Variants in EYA4 observed in about 807,000 individuals in gnomAD.
The protein encoded by EYA4 is EYA transcriptional coactivator and phosphatase 4, also known as protein phosphatase EYA4.
A neutral mutation model predicts 87.9 loss-of-function variants in EYA4; 31 were observed. That is an observed-to-expected ratio of 0.35 (90% confidence interval 0.27 to 0.48). The LOEUF is 0.48. Among genes scored for constraint, EYA4 ranks in the 20% least tolerant of loss-of-function variants. The probability of loss-of-function intolerance (pLI) is 0.99; values close to 1 mark genes in which losing one functional copy is unlikely to be tolerated. For synonymous variants in EYA4, 263 were observed against 270.6 expected, an observed-to-expected ratio of 0.97 and a Z score of 0.28; for missense variants, 678 against 761.4, an observed-to-expected ratio of 0.89 and a Z score of 1.29.
At chr6:133,521,165 G>C (rs1352497867) in intron 17 of EYA4, among the ~76,000 whole-genome samples, 1 of 151,830 alleles carries the variant, frequency 6.6e-6, no homozygotes, top group African/African-American at 2.4e-5. Flanking sequence ...ACTACCATCA[G>C]AGTGAACAGG....
At chr6:133,474,265 G>T (rs188052368) in intron 11 of EYA4, among the ~76,000 whole-genome samples, 13 of 152,134 alleles carry the variant, frequency 8.5e-5, no homozygotes, top group Admixed American at 7.2e-4. Context: ...TGTGTAAAAT[G>T]TTGCTTTTGC....
chr6:133,345,486 AC>A (rs1482538171), intron 2 of EYA4, among the ~76,000 whole-genome samples: 1 of 152,172 alleles, frequency 6.6e-6, no homozygotes. Flanking sequence ...TGCATCCTCA[AC>A]CTTTAATTTC....
intron 3 of EYA4, among the ~76,000 whole-genome samples, chr6:133,421,091 A>G (rs1262165775): frequency 6.6e-6 from 1 of 152,206 alleles, no homozygotes; most frequent in Non-Finnish European, 1.5e-5. Context: ...GCTTCCTCTT[A>G]GACTGTGCCT....
intron 2 of EYA4, among the ~76,000 whole-genome samples, chr6:133,357,270 CAAAAA>C (rs754202361): frequency 7.2e-4 from 47 of 65,304 alleles, no homozygotes; most frequent in African/African-American, 2.3e-3. Flanking sequence ...GACTCCGTCT[CAAAAA>C]AAAAAAAAAA....
intron 2 of EYA4, among the ~76,000 whole-genome samples, chr6:133,285,872 T>A (rs938301309): frequency 6.6e-6 from 1 of 152,180 alleles, no homozygotes; most frequent in African/African-American, 2.4e-5. Flanking sequence ...GGAGTTGGCA[T>A]TGACTGAGAT....
At chr6:133,491,298 C>G (rs965780841) in intron 13 of EYA4, among the ~76,000 whole-genome samples, 1 of 151,430 alleles carries the variant, frequency 6.6e-6, no homozygotes, top group East Asian at 1.9e-4. Context: ...TCTTAAAGAA[C>G]TAGAAAAGAT....
At chr6:133,331,933 A>C (rs898316407) in intron 2 of EYA4, among the ~76,000 whole-genome samples, 1 of 152,196 alleles carries the variant, frequency 6.6e-6, no homozygotes, top group African/African-American at 2.4e-5. Context: ...TCTTGTGTGG[A>C]TGGTCTGTCA....
At chr6:133,305,792 T>C (rs1779759279) in intron 2 of EYA4, among the ~76,000 whole-genome samples, 1 of 152,166 alleles carries the variant, frequency 6.6e-6, no homozygotes, top group Non-Finnish European at 1.5e-5. Context: ...ACCACAGAAT[T>C]GGTAACTGGA....
At chr6:133,484,120 A>T (rs1411683807) in intron 13 of EYA4, among the ~76,000 whole-genome samples, 1 of 152,198 alleles carries the variant, frequency 6.6e-6, no homozygotes, top group Non-Finnish European at 1.5e-5. Context: ...CTTTTTGGCT[A>T]GAAACACAGC....
intron 2 of EYA4, among the ~76,000 whole-genome samples, chr6:133,370,402 G>GTTTAGATTAAAATGTTAAAAT (rs1785176414): frequency 6.6e-6 from 1 of 152,154 alleles, no homozygotes; most frequent in Non-Finnish European, 1.5e-5. Context: ...TGTTAAAATA[G>GTTTAGATTAAAATGTTAAAAT]GTTGTTTAGA....
chr6:133,334,447 T>C (rs1432865712), intron 2 of EYA4, among the ~76,000 whole-genome samples: 4 of 152,204 alleles, frequency 2.6e-5, no homozygotes, highest in Admixed American at 2.6e-4. Flanking sequence ...AGTAAGACTG[T>C]CACAGTAGGA....
At chr6:133,251,166 C>A (rs1160729766) in intron 1 of EYA4, among the ~76,000 whole-genome samples, 6 of 152,144 alleles carry the variant, frequency 3.9e-5, no homozygotes, top group Admixed American at 3.9e-4. Flanking sequence ...GAGCTTTAAT[C>A]TGTGTGGTTC....
intron 2 of EYA4, among the ~76,000 whole-genome samples, chr6:133,285,542 C>A (rs1191487430): frequency 1.3e-5 from 2 of 152,122 alleles, no homozygotes; most frequent in Admixed American, 6.5e-5. Flanking sequence ...GGTTTCCAGA[C>A]CATTGTAAAG....
intron 1 of EYA4, among the ~76,000 whole-genome samples, chr6:133,255,222 TTCATGCTGCTAAAG>T (rs1328683382): frequency 6.6e-6 from 1 of 152,138 alleles, no homozygotes; most frequent in Non-Finnish European, 1.5e-5. Context: ...GAGAAGGAAA[TTCATGCTGCTAAAG>T]CAAGTTTTTT....
chr6:133,431,123 G>A (rs1791143922), intron 3 of EYA4, among the ~76,000 whole-genome samples: 1 of 152,152 alleles, frequency 6.6e-6, no homozygotes, highest in African/African-American at 2.4e-5. Context: ...GAGATGGGAT[G>A]TAGGGAATTG....
intron 1 of EYA4, among the ~76,000 whole-genome samples, chr6:133,253,369 C>T (rs181757218): frequency 8.5e-5 from 13 of 152,142 alleles, no homozygotes; most frequent in African/African-American, 2.4e-4. Flanking sequence ...TACTGGAGAA[C>T]GGCCAAAAAC....
At chr6:133,443,724 AT>A (rs1168599546) in intron 3 of EYA4, among the ~76,000 whole-genome samples, 1 of 152,038 alleles carries the variant, frequency 6.6e-6, no homozygotes, top group Non-Finnish European at 1.5e-5. Context: ...TTTCATTATC[AT>A]TTTGTTCTAA....
chr6:133,347,807 T>A (rs1783308912), intron 2 of EYA4, among the ~76,000 whole-genome samples: 1 of 152,132 alleles, frequency 6.6e-6, no homozygotes, highest in Non-Finnish European at 1.5e-5. Context: ...ACTGAAGAAG[T>A]CTGATTCTAG....
intron 3 of EYA4, among the ~76,000 whole-genome samples, chr6:133,397,806 A>G (rs1001601952): frequency 6.6e-6 from 1 of 152,206 alleles, no homozygotes; most frequent in African/African-American, 2.4e-5. Flanking sequence ...GGGGGCCGAC[A>G]AGAGAAGAGG....
Sources: allele counts gnomAD v4.1 joint callset (sites outside exome capture counted in the v4.1 genomes callset), GRCh38; gene constraint gnomAD v4.1.1; transcripts MANE v1.5; gene names NCBI Gene and HGNC (gene_info 2026-07-23, HGNC 2026-07-21).